The following SGK3 variants were observed in gnomAD, a reference collection of about 807,000 sequenced individuals.
The protein encoded by SGK3 is serum/glucocorticoid regulated kinase family member 3.
A neutral mutation model predicts 68.5 loss-of-function variants in SGK3; 47 were observed. The observed-to-expected ratio is 0.69, with a 90% confidence interval of 0.54 to 0.87. The LOEUF is 0.87. Among genes scored for constraint, SGK3 ranks in the 40% least tolerant of loss-of-function variants. The pLI is 0.00. For missense variants in SGK3, 479 were observed against 575.5 expected (o/e 0.83, Z 1.72); for synonymous variants, 181 against 189.1 (o/e 0.96, Z 0.35).
chr8:66,861,484 TA>T lies in SGK3; in HGVS notation c.*1909del, dbSNP rs1162792728. 6.6e-6 allele frequency: 1 copy of T among 152,132 alleles called. No homozygotes were observed. The highest frequency in any genetic ancestry group is 2.4e-5 in the African/African-American group (1 of 41,440). The allele number at this position is 152,132 out of a possible 1,614,324, so 9.4% of individuals were successfully genotyped here. A position where few individuals can be genotyped will look rare whatever the true frequency, so the allele number is the denominator to read the frequency against. Reference sequence around the variant, plus strand: ...AGAGAGAGTAACTACAGAAGAACTTTAAAAAATAAAAAATAAGCTTACCTTG... The same window carrying T: ...AGAGAGAGTAACTACAGAAGAACTTTAAAAATAAAAAATAAGCTTACCTTG... On this transcript the variant is annotated 3_prime_UTR_variant, in exon 17 of 17. Coordinates refer to ENST00000521198, the MANE Select transcript of SGK3 (RefSeq NM_001033578.3).
intron 5 of SGK3, among the ~76,000 whole-genome samples, chr8:66,816,227 C>T (rs1336792041): frequency 6.6e-6 from 1 of 151,808 alleles, no homozygotes; most frequent in Non-Finnish European, 1.5e-5. Flanking sequence ...TGGTCTTCAT[C>T]TACTGACCTC....
At chr8:66,755,366 G>A (rs542931407) in intron 1 of SGK3, among the ~76,000 whole-genome samples, 1 of 152,252 alleles carries the variant, frequency 6.6e-6, no homozygotes, top group South Asian at 2.1e-4. Context: ...TAACCCCCTT[G>A]GGGATGTTAA....
chr8:66,798,399 G>T, intron 2 of SGK3, 143 bp from the exon 3 acceptor site: 1 of 577,136 alleles, frequency 1.7e-6, no homozygotes, highest in Non-Finnish European at 2.9e-6. Flanking sequence ...ATCAGTTTCG[G>T]AATATGAAAA....
At chr8:66,836,627 C>G (rs368702410) in intron 10 of SGK3, among the ~76,000 whole-genome samples, 1 of 148,286 alleles carries the variant, frequency 6.7e-6, no homozygotes, top group East Asian at 2.0e-4. Context: ...AACGAGACCC[C>G]ATCTCTTTAA....
chr8:66,847,665 C>G (rs1008799567), intron 15 of SGK3, among the ~76,000 whole-genome samples: 5 of 152,102 alleles, frequency 3.3e-5, no homozygotes, highest in Non-Finnish European at 5.9e-5. Flanking sequence ...ATTTTCACTA[C>G]CTAAACTTTC....
At chr8:66,832,141 A>G (rs892415720) in intron 8 of SGK3, among the ~76,000 whole-genome samples, 1 of 152,144 alleles carries the variant, frequency 6.6e-6, no homozygotes, top group Non-Finnish European at 1.5e-5. Flanking sequence ...CAGTTTGAGA[A>G]GGAAACGAAT....
intron 1 of SGK3, among the ~76,000 whole-genome samples, chr8:66,746,597 A>G (rs75277880): frequency 0.13 from 19,916 of 152,000 alleles, 2,491 homozygotes; most frequent in African/African-American, 0.33. Context: ...TCTGTCACCC[A>G]GAGTGGAGTG....
At chr8:66,816,762 C>G (rs1366525158) in intron 5 of SGK3, among the ~76,000 whole-genome samples, 4 of 152,182 alleles carry the variant, frequency 2.6e-5, no homozygotes, top group Non-Finnish European at 4.4e-5. Flanking sequence ...AGAAGAGAAG[C>G]CAGTCAGCAA....
chr8:66,846,263 C>T (rs1810009388), intron 14 of SGK3, among the ~76,000 whole-genome samples: 1 of 152,106 alleles, frequency 6.6e-6, no homozygotes, highest in Non-Finnish European at 1.5e-5. Flanking sequence ...ATCTTCTTTC[C>T]TCTTATTCCC....
rs1810740109 is a variant in SGK3 at position 66,861,375 on chromosome 8, AG to A, written c.*1796del. 1 of 152,268 alleles carries A rather than the reference AG, an allele frequency of 6.6e-6. No homozygotes were observed. The highest frequency in any genetic ancestry group is 6.5e-5 in the Admixed American group (1 of 15,270). 9.4% of individuals were successfully genotyped at this position (152,268 alleles called of 1,614,324 possible). A position where few individuals can be genotyped will look rare whatever the true frequency, so the allele number is the denominator to read the frequency against. ...AAAATTCCAGCACTTTGGGAGGCCA[AG>A]GCAGGAGGATCACTTGAGCCTATGA... On this transcript the variant is annotated 3_prime_UTR_variant, in exon 17 of 17. Transcript: ENST00000521198.
intron 10 of SGK3, 143 bp downstream of exon 10, chr8:66,836,217 G>T: frequency 8.9e-7 from 1 of 1,125,424 alleles, no homozygotes; most frequent in Admixed American, 2.8e-5. Flanking sequence ...CTGAGTACAG[G>T]ATGTGGAGAA....
intron 1 of SGK3, among the ~76,000 whole-genome samples, chr8:66,722,410 G>A (rs1050434677): frequency 1.1e-4 from 17 of 152,140 alleles, no homozygotes; most frequent in Admixed American, 9.8e-4. Context: ...AGCCTCCCAG[G>A]TAGCTGGGAC....
intron 6 of SGK3, 126 bp downstream of exon 6, chr8:66,822,585 C>G (rs1808888324): frequency 2.5e-6 from 2 of 805,672 alleles, no homozygotes; most frequent in Non-Finnish European, 3.7e-6. Context: ...ATGTAGAACA[C>G]ATAAAAACAA....
chr8:66,807,774 A>T (rs1455610886), intron 4 of SGK3, among the ~76,000 whole-genome samples: 1 of 152,208 alleles, frequency 6.6e-6, no homozygotes, highest in Non-Finnish European at 1.5e-5. Context: ...AAGAAATCAC[A>T]TTTCTAGGAA....
intron 1 of SGK3, among the ~76,000 whole-genome samples, chr8:66,759,367 G>A (rs1236876005): frequency 2.0e-5 from 3 of 151,964 alleles, no homozygotes; most frequent in African/African-American, 7.3e-5. Flanking sequence ...TTACAGGCCA[G>A]GCGTGAGCCA....
At chr8:66,716,013 T>C (rs1804620992) in intron 1 of SGK3, among the ~76,000 whole-genome samples, 3 of 152,198 alleles carry the variant, frequency 2.0e-5, no homozygotes, top group Admixed American at 2.0e-4. Flanking sequence ...AGTTCTCATG[T>C]TTTCTCTTTT....
intron 1 of SGK3, among the ~76,000 whole-genome samples, chr8:66,714,398 ATGTG>A (rs1158607807): frequency 5.9e-5 from 9 of 151,634 alleles, no homozygotes; most frequent in African/African-American, 2.0e-4. Flanking sequence ...TAGAGACCCA[ATGTG>A]GTGACTAAGA....
At chr8:66,820,875 A>T (rs557054116) in intron 5 of SGK3, among the ~76,000 whole-genome samples, 1 of 151,580 alleles carries the variant, frequency 6.6e-6, no homozygotes, top group African/African-American at 2.4e-5. Context: ...GGGGTTTTTT[A>T]TTTTATTTTT....
intron 1 of SGK3, among the ~76,000 whole-genome samples, chr8:66,721,685 ATT>A (rs202013763): frequency 1.4e-5 from 2 of 144,966 alleles, no homozygotes; most frequent in Non-Finnish European, 1.5e-5. Context: ...GCTATTTATA[ATT>A]TTTTTTTTTT....
Sources: allele counts gnomAD v4.1 joint callset (sites outside exome capture counted in the v4.1 genomes callset), GRCh38; gene constraint gnomAD v4.1.1; transcripts MANE v1.5; gene names NCBI Gene and HGNC (gene_info 2026-07-23, HGNC 2026-07-21).